KTN1: variants seen among roughly 807,000 people sequenced by gnomAD.
KTN1 encodes the protein kinectin 1, also known as kinectin.
Under a neutral mutation model 222.5 loss-of-function variants are expected in KTN1, and 130 were observed. That is an observed-to-expected ratio of 0.58 (90% CI 0.51 to 0.68). The LOEUF (loss-of-function observed/expected upper bound fraction) is 0.68. KTN1 is among the 30% of genes least tolerant of loss of function. The pLI, the probability that KTN1 is intolerant of heterozygous loss-of-function variation, is 0.00. For missense variants in KTN1, 1,508 were observed against 1,500.4 expected, an observed-to-expected ratio of 1.01 and a Z score of -0.08; for synonymous variants, 512 against 496.3, an observed-to-expected ratio of 1.03 and a Z score of -0.42.
At chr14:55,673,101 A>G (rs2045589073) in intron 39 of KTN1, 71 bp from the exon 40 acceptor site, 4 of 1,492,064 alleles carry the variant, frequency 2.7e-6, no homozygotes, top group East Asian at 2.3e-5. Context: ...TTTGTGGCAG[A>G]GCTTCCGAGT....
At chr14:55,679,202 A>G (rs2046152475) in intron 42 of KTN1, 1 of 189,626 alleles carries the variant, frequency 5.3e-6, no homozygotes, top group South Asian at 1.2e-4. Context: ...CTTACTTACT[A>G]AGAGCTCAGT....
At chr14:55,587,667 T>C (rs1325815012) in intron 1 of KTN1, among the ~76,000 whole-genome samples, 1 of 152,160 alleles carries the variant, frequency 6.6e-6, no homozygotes, top group Non-Finnish European at 1.5e-5. Flanking sequence ...CTTTACGTAG[T>C]TTTCATAATC....
At chr14:55,588,501 C>T (rs538370054) in intron 1 of KTN1, among the ~76,000 whole-genome samples, 2 of 152,042 alleles carry the variant, frequency 1.3e-5, no homozygotes, top group African/African-American at 4.8e-5. Flanking sequence ...GAAAAATATG[C>T]GAGAACTATG....
At chr14:55,626,051 C>T (rs1454470620) in intron 5 of KTN1, among the ~76,000 whole-genome samples, 1 of 152,088 alleles carries the variant, frequency 6.6e-6, no homozygotes, top group African/African-American at 2.4e-5. Flanking sequence ...TTAAACTTCC[C>T]TTGGACACAG....
intron 1 of KTN1, among the ~76,000 whole-genome samples, chr14:55,606,069 AG>A (rs1429566011): frequency 2.0e-5 from 3 of 152,166 alleles, no homozygotes; most frequent in Non-Finnish European, 4.4e-5. Context: ...GATTACAGAT[AG>A]TTTTTTTTGT....
intron 1 of KTN1, among the ~76,000 whole-genome samples, chr14:55,583,485 C>T (rs1485956204): frequency 1.3e-5 from 2 of 152,180 alleles, no homozygotes; most frequent in Non-Finnish European, 2.9e-5. Flanking sequence ...AAGAACTCTT[C>T]CGTAACTTAA....
In KTN1 at chr14:55,672,845, ATAAG is replaced by A. The variant is rs1338898323; in HGVS notation, c.3604-82_3604-79del. ...TTTGAGTTGATATAGTTTTATATTC[ATAAG>A]TGTCATAATTTTGTCTTGTGGGGAA... On this transcript the variant is annotated intron_variant, in intron 38 of 43. Coordinates refer to ENST00000395314, the MANE Select transcript of KTN1 (RefSeq NM_001079521.2). The A allele has an allele frequency of 1.7e-5, 20 of 1,157,052 alleles. No individual in the cohort carries two copies. The Admixed American group carries it at 3.0e-4, about 17-fold the overall frequency. 71.7% of individuals were successfully genotyped at this position (1,157,052 alleles called of 1,614,324 possible). A position where few individuals can be genotyped will look rare whatever the true frequency, so the allele number is the denominator to read the frequency against.
chr14:55,618,003 T>G lies in KTN1; in HGVS notation c.701T>G (p.Ile234Ser). ...DEPLIHATTYIPLMDNADSSP... is the reference protein window; with the variant it reads ...DEPLIHATTYSPLMDNADSSP... ...CCCCTTATTCATGCAACTACTTATA[T>G]TCCTTTGATGGATAATGCTGACTCA... is the stretch of plus-strand genomic sequence containing the variant. Residue 234 changes from isoleucine (I) to serine (S), a missense_variant, in exon 4 of 44, where the codon ATT becomes AGT. Ile to Ser is a moderately radical substitution (Grantham distance 142). Coordinates refer to ENST00000395314, the MANE Select transcript of KTN1 (RefSeq NM_001079521.2). The G allele has an allele frequency of 3.7e-6, 6 of 1,610,052 alleles. No individual in the cohort carries two copies. The East Asian group carries it at 1.3e-4, about 36-fold the overall frequency.
At chr14:55,681,736 T>C (rs974218913) in intron 43 of KTN1, 2 of 152,150 alleles carry the variant, frequency 1.3e-5, no homozygotes, top group South Asian at 2.1e-4. Context: ...TGGATTGTTA[T>C]GAAAATAGAG....
intron 1 of KTN1, among the ~76,000 whole-genome samples, chr14:55,581,442 GGTGTGTGTGTGTGTGTGAGT>G (rs1555352518): frequency 5.4e-4 from 81 of 150,664 alleles, no homozygotes; most frequent in Admixed American, 6.6e-4. Flanking sequence ...TAACTGTTAA[GGTGTGTGTGTGTGTGTGAGT>G]GTGTGTGTGT....
chr14:55,592,210 G>C (rs927727579), intron 1 of KTN1, among the ~76,000 whole-genome samples: 28 of 152,146 alleles, frequency 1.8e-4, no homozygotes, highest in Non-Finnish European at 4.4e-5. Context: ...GTTCTTGCAT[G>C]TTGTCTTAAA....
intron 43 of KTN1, chr14:55,682,593 A>C (rs1477667670): frequency 6.6e-6 from 1 of 152,182 alleles, no homozygotes; most frequent in Non-Finnish European, 1.5e-5. Context: ...GCATGCTTCC[A>C]ACATGTGGCA....
At chr14:55,681,652 T>G (rs2046376662) in intron 43 of KTN1, 1 of 152,192 alleles carries the variant, frequency 6.6e-6, no homozygotes. Flanking sequence ...CACAACATTC[T>G]TTTGTCAGCT....
chr14:55,681,407 G>A (rs2046356953), intron 43 of KTN1: 1 of 152,106 alleles, frequency 6.6e-6, no homozygotes, highest in African/African-American at 2.4e-5. Context: ...TCTCATAGAT[G>A]TTCTTTAATA....
At chr14:55,622,932 C>T (rs540737870) in intron 5 of KTN1, among the ~76,000 whole-genome samples, 1 of 152,304 alleles carries the variant, frequency 6.6e-6, no homozygotes, top group African/African-American at 2.4e-5. Flanking sequence ...TATTCCCTCA[C>T]CAAATTTCAC....
At chr14:55,680,808 GTAAT>G in intron 43 of KTN1, 1 of 833,314 alleles carries the variant, frequency 1.2e-6, no homozygotes, top group Non-Finnish European at 1.9e-6. Flanking sequence ...ATCAACAAAA[GTAAT>G]TAAGCCTCAG....
intron 41 of KTN1, among the ~76,000 whole-genome samples, chr14:55,677,439 T>C (rs1260478664): frequency 2.1e-5 from 3 of 144,610 alleles, no homozygotes; most frequent in Admixed American, 7.2e-5. Context: ...ATTACGCTAC[T>C]GCACTCTAGC....
chr14:55,586,709 TTAATTCTTAAAAC>T (rs2033081097), intron 1 of KTN1, among the ~76,000 whole-genome samples: 1 of 152,152 alleles, frequency 6.6e-6, no homozygotes, highest in Non-Finnish European at 1.5e-5. Flanking sequence ...AATTAGAAGA[TTAATTCTTAAAAC>T]TAGTGATTTA....
At chr14:55,657,740 C>T (rs1034288964) in intron 29 of KTN1, among the ~76,000 whole-genome samples, 1 of 151,752 alleles carries the variant, frequency 6.6e-6, no homozygotes, top group East Asian at 1.9e-4. Context: ...GGTGAAACCC[C>T]GACTCTACTA....
Sources: gnomAD v4.1 joint callset for allele counts (sites outside exome capture counted in the v4.1 genomes callset) on GRCh38, gnomAD v4.1.1 for gene constraint, MANE v1.5 for transcripts, NCBI Gene and HGNC (gene_info 2026-07-23, HGNC 2026-07-21) for gene names.